Variants in KCNH8 observed in about 807,000 individuals in gnomAD.
KCNH8 encodes the protein voltage-gated delayed rectifier potassium channel KCNH8.
KCNH8 carries 70 observed loss-of-function variants against 103.6 expected under a neutral mutation model. The observed-to-expected ratio is 0.68, with a 90% confidence interval of 0.56 to 0.82. The LOEUF is 0.82. KCNH8 is among the 40% of genes least tolerant of loss of function. The probability of loss-of-function intolerance (pLI) is 0.00; values close to 1 mark genes in which losing one functional copy is unlikely to be tolerated. For synonymous variants in KCNH8, 498 were observed against 489.4 expected, an observed-to-expected ratio of 1.02 and a Z score of -0.23; for missense variants, 1,217 against 1,329.9, an observed-to-expected ratio of 0.92 and a Z score of 1.32.
intron 7 of KCNH8, among the ~76,000 whole-genome samples, chr3:19,422,491 G>T (rs2125158090): frequency 6.6e-6 from 1 of 152,150 alleles, no homozygotes; most frequent in East Asian, 1.9e-4. Context: ...AAACAAGAAG[G>T]GATTTTTAGT....
intron 1 of KCNH8, among the ~76,000 whole-genome samples, chr3:19,187,461 C>A (rs1559414178): frequency 6.6e-6 from 1 of 152,150 alleles, no homozygotes; most frequent in Non-Finnish European, 1.5e-5. Flanking sequence ...GATGACCATA[C>A]CTTGTTAATG....
intron 5 of KCNH8, among the ~76,000 whole-genome samples, chr3:19,361,352 A>G (rs1179024244): frequency 6.6e-6 from 1 of 152,146 alleles, no homozygotes; most frequent in African/African-American, 2.4e-5. Flanking sequence ...AAGGGCTATC[A>G]CATTGGGTAG....
At chr3:19,469,123 G>A (rs1161711670) in intron 11 of KCNH8, among the ~76,000 whole-genome samples, 1 of 152,144 alleles carries the variant, frequency 6.6e-6, no homozygotes, top group African/African-American at 2.4e-5. Context: ...GCCGAGTCCT[G>A]CATAATAACA....
intron 11 of KCNH8, among the ~76,000 whole-genome samples, chr3:19,481,133 A>C (rs2068078314): frequency 6.6e-6 from 1 of 152,168 alleles, no homozygotes; most frequent in African/African-American, 2.4e-5. Flanking sequence ...GCTAGCCCTC[A>C]ATCTTCTTTA....
At chr3:19,353,004 G>A (rs1454688573) in intron 5 of KCNH8, among the ~76,000 whole-genome samples, 1 of 151,336 alleles carries the variant, frequency 6.6e-6, no homozygotes, top group Non-Finnish European at 1.5e-5. Context: ...TAATAAAGAA[G>A]AAAAGAGAGA....
At chr3:19,189,207 T>C (rs2063529063) in intron 1 of KCNH8, among the ~76,000 whole-genome samples, 1 of 152,016 alleles carries the variant, frequency 6.6e-6, no homozygotes, top group Non-Finnish European at 1.5e-5. Flanking sequence ...CCAGCAAAAA[T>C]CTAATTGTTC....
At chr3:19,162,337 A>C (rs1238018697) in intron 1 of KCNH8, among the ~76,000 whole-genome samples, 47 of 144,114 alleles carry the variant, frequency 3.3e-4, no homozygotes, top group African/African-American at 1.2e-3. Context: ...CATGGTGAAA[A>C]CCCATCTGTA....
At position 19,200,789 on chromosome 3, in the gene KCNH8, T is replaced by C. The variant is rs541939004; in HGVS notation, c.76+51994T>C. 2.0e-5 allele frequency among the ~76,000 whole-genome samples: 3 copies of C among 152,186 alleles called. No individual in the cohort carries two copies. The South Asian group carries it at 6.2e-4, about 32-fold the overall frequency. ...CGAAGTTCTCCCAAACCGTTACTTT[T>C]ATAGTGAGAGTTCATTAGTAAATTT... On this transcript the variant is annotated intron_variant, in intron 1 of 15. Coordinates refer to ENST00000328405, the MANE Select transcript of KCNH8 (RefSeq NM_144633.3).
At chr3:19,525,713 T>C (rs1031951926) in intron 15 of KCNH8, among the ~76,000 whole-genome samples, 1 of 151,960 alleles carries the variant, frequency 6.6e-6, no homozygotes, top group Non-Finnish European at 1.5e-5. Flanking sequence ...TCCCTAATTA[T>C]AATTTAAGAG....
chr3:19,491,152 T>C (rs1288401423), intron 11 of KCNH8, among the ~76,000 whole-genome samples: 12 of 152,272 alleles, frequency 7.9e-5, no homozygotes, highest in African/African-American at 2.9e-4. Flanking sequence ...TATACATATA[T>C]ATATGTGTGA....
At chr3:19,216,157 G>A (rs758559994) in intron 1 of KCNH8, among the ~76,000 whole-genome samples, 3 of 152,072 alleles carry the variant, frequency 2.0e-5, no homozygotes, top group Non-Finnish European at 4.4e-5. Flanking sequence ...CAAACAACTC[G>A]AATTATCACT....
At chr3:19,363,680 C>A (rs13094042) in intron 5 of KCNH8, among the ~76,000 whole-genome samples, 35,546 of 152,046 alleles carry the variant, frequency 0.23, 4,589 homozygotes, top group Middle Eastern at 0.31. Context: ...CATATCAATG[C>A]TTGTTACACT....
chr3:19,296,038 C>T (rs949970893), intron 3 of KCNH8, among the ~76,000 whole-genome samples: 1 of 152,104 alleles, frequency 6.6e-6, no homozygotes, highest in Non-Finnish European at 1.5e-5. Context: ...CTGCTTATCT[C>T]CCCAGTGAGC....
intron 1 of KCNH8, among the ~76,000 whole-genome samples, chr3:19,149,620 A>T (rs1559397499): frequency 2.0e-5 from 3 of 152,226 alleles, no homozygotes. Flanking sequence ...AGGCTTTTCA[A>T]GCTCTCTACT....
intron 7 of KCNH8, among the ~76,000 whole-genome samples, chr3:19,431,412 C>T (rs752124132): frequency 2.6e-5 from 4 of 152,092 alleles, no homozygotes; most frequent in Middle Eastern, 3.2e-3. Context: ...GTTTTTGCAT[C>T]GATGTTCATC....
In KCNH8 at chr3:19,534,084, A is replaced by T; in HGVS notation, c.3309A>T (p.Lys1103Asn). Reference protein sequence around the residue: ...VTSTAEVKDNKAINV With the variant: ...VTSTAEVKDNNAINV ...GCACAGCAGAAGTGAAAGATAACAA[A>T]GCCATAAATGTATGATATTAGTGCC... The change falls in exon 16 of 16, where the codon AAA (lysine) becomes AAT (asparagine). Residue 1103 changes from lysine (K) to asparagine (N), a missense_variant. Coordinates refer to ENST00000328405, the MANE Select transcript of KCNH8 (RefSeq NM_144633.3). 1 of 1,613,170 alleles carries T rather than the reference A, an allele frequency of 6.2e-7. No individual in the cohort carries two copies. Among genetic ancestry groups the T allele is most frequent in the African/African-American group, 1.3e-5 (1 of 75,006 alleles).
rs560568399 is a variant in KCNH8 at position 19,169,211 on chromosome 3, C to A, written c.76+20416C>A. Among the ~76,000 whole-genome samples the A allele has an allele frequency of 2.0e-5, 3 of 151,872 alleles. No individual in the cohort carries two copies. The South Asian group carries it at 6.2e-4, about 32-fold the overall frequency. On this transcript the variant is annotated intron_variant, in intron 1 of 15. Transcript: ENST00000328405. ...GACCTGCCTCTTAGAAACTCCACCC[C>A]AAATCTCCAAATCTCCTAATCTCAC... is the stretch of plus-strand genomic sequence containing the variant.
intron 3 of KCNH8, among the ~76,000 whole-genome samples, chr3:19,315,780 G>A (rs528879737): frequency 1.3e-4 from 20 of 151,838 alleles, no homozygotes; most frequent in South Asian, 4.1e-4. Context: ...GATTATTATC[G>A]ATTCATAATT....
At chr3:19,373,849 C>T (rs1382503374) in intron 5 of KCNH8, among the ~76,000 whole-genome samples, 4 of 152,032 alleles carry the variant, frequency 2.6e-5, no homozygotes, top group African/African-American at 7.3e-5. Context: ...TTTATTTCTG[C>T]CTTCATTTCG....
Sources: gnomAD v4.1 joint callset for allele counts (sites outside exome capture counted in the v4.1 genomes callset) on GRCh38, gnomAD v4.1.1 for gene constraint, MANE v1.5 for transcripts, NCBI Gene and HGNC (gene_info 2026-07-23, HGNC 2026-07-21) for gene names.